NCOA6: variants seen among roughly 807,000 people sequenced by gnomAD.
NCOA6 encodes the protein nuclear receptor coactivator 6, also known as NRC RAP250.
Under a neutral mutation model 171.4 loss-of-function variants are expected in NCOA6, and 49 were observed. The ratio of observed to expected loss-of-function variants is 0.29; its 90% confidence interval spans 0.23 to 0.36. NCOA6 has a LOEUF of 0.36. NCOA6 is among the 10% of genes least tolerant of loss of function. The pLI is 1.00. For synonymous variants in NCOA6, 910 were observed against 927.5 expected, an observed-to-expected ratio of 0.98 and a Z score of 0.34; for missense variants, 2,248 against 2,554.5, an observed-to-expected ratio of 0.88 and a Z score of 2.59.
At chr20:34,811,833 G>A (rs1300325936) in intron 1 of NCOA6, among the ~76,000 whole-genome samples, 1 of 152,216 alleles carries the variant, frequency 6.6e-6, no homozygotes. Flanking sequence ...TAACTTATAA[G>A]ACATTGTTAA....
At position 34,757,584 on chromosome 20, in the gene NCOA6, T is replaced by C; in HGVS notation, c.1164A>G (p.Thr388=). 1 of 1,613,842 alleles carries C rather than the reference T, an allele frequency of 6.2e-7. No individual in the cohort carries two copies. The highest frequency in any genetic ancestry group is 8.5e-7 in the Non-Finnish European group (1 of 1,179,892). Residue 388 remains threonine, a synonymous_variant, in exon 7 of 15, where the codon ACA becomes ACG. Coordinates refer to ENST00000359003, the MANE Select transcript of NCOA6 (RefSeq NM_014071.5). ...CTGGGTTGCTCATCTGAGGAAAGTT[T>C]GTGTGGGCTTGTGAGGCTTGCTGGC... is the stretch of plus-strand genomic sequence containing the variant. ...FGSQQASQAH[T]NFPQMSNPGQ...
At chr20:34,775,259 G>A (rs952359453) in intron 4 of NCOA6, among the ~76,000 whole-genome samples, 1 of 152,128 alleles carries the variant, frequency 6.6e-6, no homozygotes, top group Non-Finnish European at 1.5e-5. Context: ...ATAATACCAA[G>A]AGATAGCAGG....
chr20:34,776,833 T>A, intron 3 of NCOA6: 1 of 448,732 alleles, frequency 2.2e-6, no homozygotes, highest in Non-Finnish European at 4.4e-6. Context: ...AGAGGTTAAG[T>A]TTAAATTAAT....
At position 34,742,032 on chromosome 20, in the gene NCOA6, A is replaced by C. The variant is rs755165936; in HGVS notation, c.4224T>G (p.Val1408=). The C allele has an allele frequency of 1.4e-5, 23 of 1,614,192 alleles. 1 individual carries two copies. The South Asian group carries it at 2.4e-4, about 17-fold the overall frequency. ...CCTTGTTATCCTCAACAACACCCCCAACTGCAGCCACAGACACAGTAGAAT... is the reference window on the plus strand; with the variant it reads ...CCTTGTTATCCTCAACAACACCCCCCACTGCAGCCACAGACACAGTAGAAT... ...PQNSTVSVAA[V]GGVVEDNKES... The change falls in exon 11 of 15, where the codon GTT becomes GTG. Residue 1408 remains valine (V), a synonymous_variant. Transcript: ENST00000359003.
At chr20:34,781,022 T>C (rs934879398) in intron 3 of NCOA6, among the ~76,000 whole-genome samples, 1 of 152,156 alleles carries the variant, frequency 6.6e-6, no homozygotes, top group African/African-American at 2.4e-5. Flanking sequence ...CAGAAAAATG[T>C]GGTAATTAAT....
intron 3 of NCOA6, among the ~76,000 whole-genome samples, chr20:34,778,488 C>T (rs1051577121): frequency 1.4e-4 from 21 of 149,992 alleles, no homozygotes; most frequent in Middle Eastern, 3.4e-3. Flanking sequence ...AGTGCAGTGG[C>T]GCAATCTTGG....
intron 8 of NCOA6, among the ~76,000 whole-genome samples, chr20:34,753,748 C>T (rs1401042448): frequency 6.6e-6 from 1 of 152,144 alleles, no homozygotes; most frequent in African/African-American, 2.4e-5. Flanking sequence ...GAAATTCAAG[C>T]AGTTTGCACT....
chr20:34,780,167 T>C (rs2077471876), intron 3 of NCOA6, among the ~76,000 whole-genome samples: 1 of 152,238 alleles, frequency 6.6e-6, no homozygotes, highest in South Asian at 2.1e-4. Flanking sequence ...CTTGTACATA[T>C]TCTACACAAA....
At chr20:34,812,064 A>G (rs1324907416) in intron 1 of NCOA6, among the ~76,000 whole-genome samples, 5 of 152,088 alleles carry the variant, frequency 3.3e-5, no homozygotes, top group Non-Finnish European at 7.4e-5. Flanking sequence ...CCTGGCCAAC[A>G]TGGTGAAACC....
At chr20:34,738,678 G>A (rs1167561068) in intron 11 of NCOA6, among the ~76,000 whole-genome samples, 1 of 152,240 alleles carries the variant, frequency 6.6e-6, no homozygotes, top group African/African-American at 2.4e-5. Flanking sequence ...AGCTCTGCGT[G>A]AGGCAGTGTG....
intron 1 of NCOA6, among the ~76,000 whole-genome samples, chr20:34,806,455 G>A (rs1362920284): frequency 6.6e-6 from 1 of 152,090 alleles, no homozygotes; most frequent in East Asian, 1.9e-4. Flanking sequence ...GTGCTTTTAA[G>A]GTCTTATCTA....
intron 1 of NCOA6, among the ~76,000 whole-genome samples, chr20:34,793,851 A>G (rs2077977049): frequency 6.6e-6 from 1 of 152,220 alleles, no homozygotes; most frequent in Non-Finnish European, 1.5e-5. Flanking sequence ...GGCACATAAA[A>G]TAAAAAGATC....
chr20:34,737,418 G>T (rs1018829934), intron 11 of NCOA6, among the ~76,000 whole-genome samples: 1 of 152,204 alleles, frequency 6.6e-6, no homozygotes, highest in South Asian at 2.1e-4. Context: ...TAGTATTAAA[G>T]ATAAGATATA....
intron 5 of NCOA6, among the ~76,000 whole-genome samples, chr20:34,763,432 T>C (rs945925213): frequency 2.6e-5 from 4 of 152,216 alleles, no homozygotes; most frequent in Non-Finnish European, 5.9e-5. Context: ...CCATCTCTCC[T>C]TATGTTTGAT....
Position 34,741,041 on chromosome 20 carries a change from T to C in NCOA6, c.5215A>G (p.Thr1739Ala). The C allele has an allele frequency of 6.2e-7, 1 of 1,614,118 alleles. No homozygotes were observed. Residue 1739 changes from threonine (T) to alanine (A), a missense_variant, in exon 11 of 15, where the codon ACC becomes GCC. Transcript: ENST00000359003. ...GRPLVLSSRA[T>A]PVQLPSPPCT... Reference sequence around the variant, plus strand: ...GGAGGGGAAGGAAGCTGAACAGGGGTGGCTCGTGAGCTAAGGACCAAAGGT... The same window carrying C: ...GGAGGGGAAGGAAGCTGAACAGGGGCGGCTCGTGAGCTAAGGACCAAAGGT...
intron 2 of NCOA6, among the ~76,000 whole-genome samples, chr20:34,783,794 T>C (rs1464181731): frequency 6.6e-6 from 1 of 152,116 alleles, no homozygotes; most frequent in African/African-American, 2.4e-5. Flanking sequence ...GGCTAATCTT[T>C]TGTAGTTTTA....
At chr20:34,816,383 G>A (rs1403175340) in intron 1 of NCOA6, among the ~76,000 whole-genome samples, 2 of 152,062 alleles carry the variant, frequency 1.3e-5, no homozygotes, top group African/African-American at 4.8e-5. Context: ...CTGGAGTAGG[G>A]TGGGACCTAC....
chr20:34,770,142 C>T (rs6060039), intron 4 of NCOA6, among the ~76,000 whole-genome samples: 67,965 of 151,552 alleles, frequency 0.45, 15,634 homozygotes, highest in Admixed American at 0.6. Flanking sequence ...CAGGTTCAAG[C>T]GATTCTCCTG....
At chr20:34,799,742 T>A (rs2078196114) in intron 1 of NCOA6, among the ~76,000 whole-genome samples, 1 of 152,066 alleles carries the variant, frequency 6.6e-6, no homozygotes. Flanking sequence ...GAATAGTATA[T>A]CCAGTGAAAA....
Sources: gnomAD v4.1 joint callset for allele counts (sites outside exome capture counted in the v4.1 genomes callset) on GRCh38, gnomAD v4.1.1 for gene constraint, MANE v1.5 for transcripts, NCBI Gene and HGNC (gene_info 2026-07-23, HGNC 2026-07-21) for gene names.